The following PLCB4 variants were observed in gnomAD, a reference collection of about 807,000 sequenced individuals.
The protein encoded by PLCB4 is phospholipase C beta 4.
PLCB4 carries 77 observed loss-of-function variants against 178.8 expected under a neutral mutation model. That is an observed-to-expected ratio of 0.43 (90% CI 0.36 to 0.52). The LOEUF (loss-of-function observed/expected upper bound fraction) is 0.52, where lower values mean the gene tolerates loss of function less well. Ranked by LOEUF, PLCB4 falls within the 20% of genes least tolerant of loss-of-function variation. PLCB4 has a pLI of 0.00. For missense variants in PLCB4, 1,024 were observed against 1,453.4 expected (o/e 0.70, Z 4.80); for synonymous variants, 496 against 490.8 (o/e 1.01, Z -0.14).
intron 29 of PLCB4, among the ~76,000 whole-genome samples, chr20:9,436,340 G>A (rs925936827): frequency 5.9e-5 from 9 of 152,112 alleles, no homozygotes; most frequent in Non-Finnish European, 1.0e-4. Context: ...AATGATAATT[G>A]CTTTTTATTT....
intron 4 of PLCB4, among the ~76,000 whole-genome samples, chr20:9,315,030 C>G (rs866166839): frequency 4.6e-5 from 7 of 152,126 alleles, no homozygotes; most frequent in Admixed American, 1.3e-4. Flanking sequence ...TGCCACCATG[C>G]CCGGCTAACT....
intron 3 of PLCB4, among the ~76,000 whole-genome samples, chr20:9,241,501 G>A (rs935179860): frequency 2.0e-5 from 3 of 151,960 alleles, no homozygotes; most frequent in Admixed American, 1.3e-4. Flanking sequence ...TAAAAGAAAA[G>A]GAAATGAAAG....
chr20:9,308,996 T>G (rs917805850), intron 4 of PLCB4, among the ~76,000 whole-genome samples: 1 of 152,192 alleles, frequency 6.6e-6, no homozygotes, highest in African/African-American at 2.4e-5. Flanking sequence ...TTCTAGTCTT[T>G]TTTCATATTT....
At chr20:9,440,135 G>A (rs781159084) in intron 30 of PLCB4, among the ~76,000 whole-genome samples, 1 of 152,202 alleles carries the variant, frequency 6.6e-6, no homozygotes, top group Non-Finnish European at 1.5e-5. Context: ...GGAGGTGAAA[G>A]TACAGATGCT....
chr20:9,084,307 A>T (rs566876994), intron 1 of PLCB4, among the ~76,000 whole-genome samples: 2 of 152,296 alleles, frequency 1.3e-5, no homozygotes, highest in Non-Finnish European at 2.9e-5. Flanking sequence ...TTTTTCCATA[A>T]TTAGGAACTT....
At chr20:9,255,902 T>A (rs1430232294) in intron 3 of PLCB4, among the ~76,000 whole-genome samples, 3 of 152,026 alleles carry the variant, frequency 2.0e-5, no homozygotes, top group African/African-American at 7.3e-5. Context: ...TAAAAGGTGA[T>A]ACTCAGATCT....
chr20:9,194,313 A>C (rs933791605), intron 2 of PLCB4, among the ~76,000 whole-genome samples: 1 of 152,212 alleles, frequency 6.6e-6, no homozygotes, highest in South Asian at 2.1e-4. Context: ...TTTCCAACAC[A>C]AAACCACTGG....
intron 2 of PLCB4, among the ~76,000 whole-genome samples, chr20:9,172,705 C>A (rs2093084724): frequency 6.6e-6 from 1 of 152,170 alleles, no homozygotes; most frequent in Non-Finnish European, 1.5e-5. Flanking sequence ...AGAGAGGCCA[C>A]TGTCTCTGCA....
intron 2 of PLCB4, among the ~76,000 whole-genome samples, chr20:9,154,917 T>C (rs1264350379): frequency 1.7e-5 from 2 of 117,502 alleles, no homozygotes; most frequent in Non-Finnish European, 3.5e-5. Flanking sequence ...CCTTCCTTCC[T>C]TCCTTCCTTC....
intron 2 of PLCB4, among the ~76,000 whole-genome samples, chr20:9,145,632 G>A (rs2092584522): frequency 6.6e-6 from 1 of 151,848 alleles, no homozygotes; most frequent in African/African-American, 2.4e-5. Context: ...TATATTTAGT[G>A]TGGCTTCCCA....
chr20:9,271,679 T>G (rs1308401580), intron 3 of PLCB4, among the ~76,000 whole-genome samples: 2 of 152,084 alleles, frequency 1.3e-5, no homozygotes, highest in African/African-American at 4.8e-5. Flanking sequence ...CATAAAATGT[T>G]TTGTGGATCA....
At position 9,440,465 on chromosome 20, in the gene PLCB4, A is replaced by G. The variant is rs1481219885; in HGVS notation, c.2764+3313A>G. On this transcript the variant is annotated intron_variant, in intron 30 of 39. Transcript: ENST00000378473. ...AAGATCAAAATTCACAATTCAACAT[A>G]TGCTCTCTACTGAATGCATATCACT... Among the ~76,000 whole-genome samples the G allele has an allele frequency of 2.0e-5, 3 of 152,206 alleles. No homozygotes were observed. In the East Asian group the frequency reaches 5.8e-4, roughly 29 times the overall value.
chr20:9,099,229 A>G (rs2091047442), intron 2 of PLCB4, among the ~76,000 whole-genome samples: 1 of 152,168 alleles, frequency 6.6e-6, no homozygotes, highest in Non-Finnish European at 1.5e-5. Context: ...AATCATGTTA[A>G]GATTGGATCC....
At chr20:9,449,829 G>A (rs1756030911) in intron 32 of PLCB4, among the ~76,000 whole-genome samples, 2 of 152,096 alleles carry the variant, frequency 1.3e-5, no homozygotes, top group Admixed American at 1.3e-4. Flanking sequence ...TTTAATTCAT[G>A]GTCAGACCTT....
At chr20:9,091,825 T>A (rs2090693116) in intron 1 of PLCB4, among the ~76,000 whole-genome samples, 1 of 152,108 alleles carries the variant, frequency 6.6e-6, no homozygotes, top group South Asian at 2.1e-4. Flanking sequence ...CTTACAGATT[T>A]TTTTTTCTTT....
chr20:9,457,751 C>T (rs2043144571), intron 34 of PLCB4, among the ~76,000 whole-genome samples: 1 of 151,992 alleles, frequency 6.6e-6, no homozygotes, highest in African/African-American at 2.4e-5. Context: ...GCCTCAGAGG[C>T]ATCAAGGAAA....
chr20:9,370,017 G>T (rs1332397840), intron 9 of PLCB4, among the ~76,000 whole-genome samples: 1 of 152,188 alleles, frequency 6.6e-6, no homozygotes, highest in Non-Finnish European at 1.5e-5. Context: ...AGCGATTGAA[G>T]GCTCCTTGGT....
intron 32 of PLCB4, among the ~76,000 whole-genome samples, chr20:9,452,012 T>A (rs1463380143): frequency 6.7e-6 from 1 of 149,654 alleles, no homozygotes; most frequent in Non-Finnish European, 1.5e-5. Flanking sequence ...TAAGCCCAGA[T>A]CCACAGCAAG....
chr20:9,155,967 G>C (rs1055469695), intron 2 of PLCB4, among the ~76,000 whole-genome samples: 1 of 152,126 alleles, frequency 6.6e-6, no homozygotes, highest in Admixed American at 6.5e-5. Flanking sequence ...TTTTGAGACA[G>C]CCAATAGCAA....
Sources: gnomAD v4.1 joint callset for allele counts (sites outside exome capture counted in the v4.1 genomes callset) on GRCh38, gnomAD v4.1.1 for gene constraint, MANE v1.5 for transcripts, NCBI Gene and HGNC (gene_info 2026-07-23, HGNC 2026-07-21) for gene names.